The following PARP16 variants were observed in gnomAD, a reference collection of about 807,000 sequenced individuals.
PARP16 encodes protein mono-ADP-ribosyltransferase PARP16.
A neutral mutation model predicts 35.0 loss-of-function variants in PARP16; 31 were observed. The ratio of observed to expected loss-of-function variants is 0.88; its 90% CI spans 0.66 to 1.19. The LOEUF (loss-of-function observed/expected upper bound fraction) is 1.19, where lower values mean the gene tolerates loss of function less well. Ranked by LOEUF, PARP16 falls within the 50% of genes most tolerant of loss-of-function variation. PARP16 has a pLI of 0.00. For synonymous variants in PARP16, 162 were observed against 169.5 expected (o/e 0.96, Z 0.34); for missense variants, 424 against 411.2 (o/e 1.03, Z -0.27).
At chr15:65,271,971 A>C (rs1012789953) in intron 1 of PARP16, among the ~76,000 whole-genome samples, 1 of 152,238 alleles carries the variant, frequency 6.6e-6, no homozygotes, top group South Asian at 2.1e-4. Context: ...TGGGTTTCCC[A>C]GAGTGTGACA....
At chr15:65,281,584 G>A (rs1211745345) in intron 1 of PARP16, among the ~76,000 whole-genome samples, 1 of 151,982 alleles carries the variant, frequency 6.6e-6, no homozygotes, top group African/African-American at 2.4e-5. Context: ...CCAACTACTA[G>A]GGAGACTGAG....
At chr15:65,281,852 C>T (rs193246760) in intron 1 of PARP16, among the ~76,000 whole-genome samples, 30 of 152,228 alleles carry the variant, frequency 2.0e-4, no homozygotes, top group East Asian at 9.6e-4. Flanking sequence ...CAGGAAATCA[C>T]CAATCAATAA....
chr15:65,276,476 C>A (rs1342174898), intron 1 of PARP16, among the ~76,000 whole-genome samples: 4 of 152,092 alleles, frequency 2.6e-5, no homozygotes, highest in African/African-American at 9.7e-5. Flanking sequence ...CAGGCTCAAG[C>A]AATCCTCCCA....
chr15:65,259,408 T>A lies in PARP16; in HGVS notation c.968A>T (p.Ter323LeuextTer66). 6.2e-7 allele frequency: 1 copy of A among 1,614,078 alleles called. No individual in the cohort carries two copies. The highest frequency in any genetic ancestry group is 1.1e-5 in the South Asian group (1 of 91,072). ...GCCCCCACACCAGGCCCAGAAAGAT[T>A]ATCTTTTCGCACGATTCCAAAAGTG... ...FQHFWNRAKR* is the reference protein window; with the variant it reads ...FQHFWNRAKRL The change falls in exon 6 of 6, where the codon TAA (stop) becomes TTA (leucine). Residue 323 changes from the stop codon to leucine (L), a stop_lost. Transcript: ENST00000649807.
intron 1 of PARP16, among the ~76,000 whole-genome samples, chr15:65,285,288 C>T (rs1326785240): frequency 1.3e-5 from 2 of 152,064 alleles, no homozygotes; most frequent in East Asian, 3.9e-4. Flanking sequence ...CAGGCATGCG[C>T]CACCACGCCC....
chr15:65,232,009 T>C (rs1595969809), downstream of PARP16, among the ~76,000 whole-genome samples: 2 of 152,186 alleles, frequency 1.3e-5, no homozygotes, highest in East Asian at 3.8e-4. Context: ...GAATTCTTGC[T>C]TATTGTTTGT....
At chr15:65,242,288 G>T (rs2089100704) in intron 3 of PARP16, among the ~76,000 whole-genome samples, 1 of 151,944 alleles carries the variant, frequency 6.6e-6, no homozygotes. Flanking sequence ...CTGTAGTCTT[G>T]AAATCAGGTA....
At chr15:65,275,654 C>G (rs2090231471) in intron 1 of PARP16, among the ~76,000 whole-genome samples, 3 of 152,146 alleles carry the variant, frequency 2.0e-5, no homozygotes, top group Admixed American at 2.0e-4. Flanking sequence ...GTGAGGTCAT[C>G]TCAAATGATC....
chr15:65,283,299 G>A (rs2090477050), intron 1 of PARP16, among the ~76,000 whole-genome samples: 1 of 151,768 alleles, frequency 6.6e-6, no homozygotes. Context: ...AAGCTGCATT[G>A]TGAGTTTGAT....
intron 1 of PARP16, among the ~76,000 whole-genome samples, chr15:65,285,059 A>G (rs765040066): frequency 5.3e-5 from 8 of 151,800 alleles, no homozygotes; most frequent in Admixed American, 3.3e-4. Context: ...CCTTGGGATT[A>G]CAGGCATGAG....
intron 2 of PARP16, among the ~76,000 whole-genome samples, chr15:65,269,204 C>CTTTCT (rs1056207683): frequency 3.5e-4 from 36 of 103,534 alleles, no homozygotes; most frequent in East Asian, 1.1e-3. Context: ...TTCTTTCTTT[C>CTTTCT]TTTTTTTTTT....
chr15:65,284,676 T>C (rs2090527375), intron 1 of PARP16, among the ~76,000 whole-genome samples: 1 of 152,018 alleles, frequency 6.6e-6, no homozygotes, highest in South Asian at 2.1e-4. Context: ...GTCAAGGTTA[T>C]GCTAGCCTCT....
At chr15:65,271,239 C>A (rs1049505856) in intron 1 of PARP16, among the ~76,000 whole-genome samples, 167 bp from the exon 2 acceptor site, 1 of 152,006 alleles carries the variant, frequency 6.6e-6, no homozygotes, top group Non-Finnish European at 1.5e-5. Flanking sequence ...CTAAACTTTA[C>A]AAGCTCTAAA....
At chr15:65,263,461 C>G (rs1226411646) in intron 3 of PARP16, 141 bp from the exon 4 acceptor site, 2 of 618,290 alleles carry the variant, frequency 3.2e-6, no homozygotes, top group Non-Finnish European at 2.8e-6. Context: ...GACACAGGAT[C>G]AAATAATCCT....
At chr15:65,282,255 C>T (rs752125661) in intron 1 of PARP16, among the ~76,000 whole-genome samples, 8 of 152,202 alleles carry the variant, frequency 5.3e-5, no homozygotes, top group African/African-American at 1.9e-4. Flanking sequence ...TCAAATGACC[C>T]GCCCCAGCCT....
rs1233896826 is a variant in PARP16 at position 65,273,276 on chromosome 15, C to CAA, written c.175-2206_175-2205dup. ...CTGGTGACAGAGAGAGACTCTGTCT[C>CAA]AAAAAAAAAAAAAAAAAAGAATACC... On this transcript the variant is annotated intron_variant, in intron 1 of 5. Transcript: ENST00000649807. Among the ~76,000 whole-genome samples the CAA allele has an allele frequency of 6.4e-4, 37 of 57,538 alleles. 1 individual carries two copies. The highest frequency in any genetic ancestry group is 0.01 in the Middle Eastern group (1 of 96). 37.7% of individuals were successfully genotyped at this position (57,538 alleles called of 152,430 possible).
intron 2 of PARP16, among the ~76,000 whole-genome samples, 189 bp downstream of exon 2, chr15:65,270,746 C>T (rs2090068425): frequency 6.6e-6 from 1 of 152,092 alleles, no homozygotes; most frequent in Non-Finnish European, 1.5e-5. Flanking sequence ...CTTTGTACAG[C>T]CAGTGGGAAA....
Position 65,259,394 on chromosome 15 carries a change from A to T in PARP16, c.*13T>A, listed in dbSNP as rs759645280. ...ACATAGTTGAGGTAGCCCCCACACC[A>T]GGCCCAGAAAGATTATCTTTTCGCA... On this transcript the variant is annotated 3_prime_UTR_variant, in exon 6 of 6. Transcript: ENST00000649807. 1.2e-6 allele frequency: 2 copies of T among 1,614,000 alleles called. No individual in the cohort carries two copies. Among genetic ancestry groups the T allele is most frequent in the South Asian group, 2.2e-5 (2 of 91,076 alleles).
At chr15:65,285,140 G>GT (rs759145300) in intron 1 of PARP16, among the ~76,000 whole-genome samples, 2,417 of 135,158 alleles carry the variant, frequency 0.018, 38 homozygotes, top group African/African-American at 0.05. Context: ...CACCCTCCAG[G>GT]TTTTTTTTTT....
Sources: allele counts gnomAD v4.1 joint callset (sites outside exome capture counted in the v4.1 genomes callset), GRCh38; gene constraint gnomAD v4.1.1; transcripts MANE v1.5; gene names NCBI Gene and HGNC (gene_info 2026-07-23, HGNC 2026-07-21).